CNTN5: variants seen among roughly 807,000 people sequenced by gnomAD.
The protein encoded by CNTN5 is contactin 5.
Under a neutral mutation model 129.1 loss-of-function variants are expected in CNTN5, and 77 were observed. That is an observed-to-expected ratio of 0.60 (90% CI 0.50 to 0.72). The LOEUF is 0.72. Ranked by LOEUF, CNTN5 falls within the 30% of genes least tolerant of loss-of-function variation. The pLI, the probability that CNTN5 is intolerant of heterozygous loss-of-function variation, is 0.00. For synonymous variants in CNTN5, 509 were observed against 465.6 expected (o/e 1.09, Z -1.20); for missense variants, 1,478 against 1,328.8 (o/e 1.11, Z -1.75).
intron 1 of CNTN5, among the ~76,000 whole-genome samples, chr11:99,235,161 A>G (rs1342440471): frequency 1.3e-5 from 2 of 152,066 alleles, no homozygotes; most frequent in Admixed American, 6.6e-5. Flanking sequence ...TCATTCAATC[A>G]ATCTTGTATG....
intron 3 of CNTN5, among the ~76,000 whole-genome samples, chr11:99,809,446 A>G (rs949811613): frequency 6.6e-6 from 1 of 152,164 alleles, no homozygotes; most frequent in Non-Finnish European, 1.5e-5. Flanking sequence ...GGGATATATA[A>G]TAATCATTTC....
In CNTN5 at chr11:99,625,801, A is replaced by G. The variant is rs1565361966; in HGVS notation, c.55+69532A>G. Among the ~76,000 whole-genome samples, 6 of 151,996 alleles carry G rather than the reference A, an allele frequency of 3.9e-5. No homozygotes were observed. In the South Asian group the frequency reaches 1.2e-3, roughly 32 times the overall value. On this transcript the variant is annotated intron_variant, in intron 3 of 24. Coordinates refer to ENST00000524871, the MANE Select transcript of CNTN5 (RefSeq NM_014361.4). Reference sequence around the variant, plus strand: ...GATATTGATTGAGAGAGTTTCATGAAAGATACTTTTTAGATATTTCACGAT... The same window carrying G: ...GATATTGATTGAGAGAGTTTCATGAGAGATACTTTTTAGATATTTCACGAT...
At chr11:99,233,776 C>A (rs955198342) in intron 1 of CNTN5, among the ~76,000 whole-genome samples, 1 of 152,016 alleles carries the variant, frequency 6.6e-6, no homozygotes, top group Non-Finnish European at 1.5e-5. Flanking sequence ...TGAAACCCAT[C>A]TCTACTAAAA....
At chr11:99,283,082 T>C (rs1863770922) in intron 1 of CNTN5, among the ~76,000 whole-genome samples, 1 of 152,112 alleles carries the variant, frequency 6.6e-6, no homozygotes, top group African/African-American at 2.4e-5. Flanking sequence ...AAGAAGAGCA[T>C]GTTGGAAATA....
chr11:100,283,050 G>C (rs930333870), intron 18 of CNTN5, among the ~76,000 whole-genome samples: 1 of 151,878 alleles, frequency 6.6e-6, no homozygotes, highest in Admixed American at 6.6e-5. Context: ...TGGGATCAGG[G>C]ACCCCAAGAG....
At chr11:99,346,190 A>G (rs1363199629) in intron 2 of CNTN5, among the ~76,000 whole-genome samples, 1 of 152,228 alleles carries the variant, frequency 6.6e-6, no homozygotes, top group Non-Finnish European at 1.5e-5. Flanking sequence ...CTTCCAATAT[A>G]AAGTATATAG....
chr11:99,773,882 T>C (rs1479431828), intron 3 of CNTN5, among the ~76,000 whole-genome samples: 1 of 152,116 alleles, frequency 6.6e-6, no homozygotes, highest in Non-Finnish European at 1.5e-5. Flanking sequence ...CTCTTGTTTA[T>C]ATTACAAAAA....
chr11:99,898,042 T>C (rs1331674365), intron 6 of CNTN5, among the ~76,000 whole-genome samples: 1 of 151,998 alleles, frequency 6.6e-6, no homozygotes, highest in Non-Finnish European at 1.5e-5. Flanking sequence ...AATAGCAACA[T>C]AACATACAAA....
At chr11:99,100,228 C>T (rs1866657132) in intron 1 of CNTN5, among the ~76,000 whole-genome samples, 1 of 152,014 alleles carries the variant, frequency 6.6e-6, no homozygotes, top group African/African-American at 2.4e-5. Context: ...TTCTCTCTCT[C>T]TCTTTCTTTC....
At chr11:99,795,112 GTTCATTCTTC>G (rs539938066) in intron 3 of CNTN5, among the ~76,000 whole-genome samples, 125 of 152,236 alleles carry the variant, frequency 8.2e-4, no homozygotes, top group Middle Eastern at 6.8e-3. Context: ...TGGAGGTATT[GTTCATTCTTC>G]TTCATTCTTT....
chr11:99,494,735 C>T (rs1329550589), intron 2 of CNTN5, among the ~76,000 whole-genome samples: 1 of 152,132 alleles, frequency 6.6e-6, no homozygotes, highest in East Asian at 1.9e-4. Context: ...AGCTGACGGG[C>T]ATGCCCTCAT....
chr11:99,035,879 A>C (rs1367571187), intron 1 of CNTN5, among the ~76,000 whole-genome samples: 1 of 146,178 alleles, frequency 6.8e-6, no homozygotes, highest in Admixed American at 6.9e-5. Context: ...TGGTCTTTAC[A>C]TTTTGGCATG....
At chr11:99,433,162 A>G (rs562595787) in intron 2 of CNTN5, among the ~76,000 whole-genome samples, 1 of 152,088 alleles carries the variant, frequency 6.6e-6, no homozygotes, top group South Asian at 2.1e-4. Flanking sequence ...AGTGCTCTGA[A>G]TTGTGCTGTA....
intron 1 of CNTN5, among the ~76,000 whole-genome samples, chr11:99,213,283 TAA>T (rs1491415587): frequency 6.9e-6 from 1 of 145,742 alleles, no homozygotes; most frequent in African/African-American, 2.5e-5. Flanking sequence ...TATATACATA[TAA>T]TATATATAAC....
At chr11:100,063,717 A>T (rs900969193) in intron 10 of CNTN5, among the ~76,000 whole-genome samples, 22 of 151,500 alleles carry the variant, frequency 1.5e-4, no homozygotes, top group African/African-American at 5.3e-4. Flanking sequence ...AAAAAAAAAA[A>T]AAAAAAAAAA....
intron 15 of CNTN5, among the ~76,000 whole-genome samples, chr11:100,224,204 C>T (rs891169357): frequency 5.9e-5 from 9 of 152,144 alleles, no homozygotes; most frequent in African/African-American, 2.2e-4. Flanking sequence ...ACTCTTTCAA[C>T]TGAGCACTGT....
chr11:100,060,828 A>G (rs917770255), intron 9 of CNTN5, among the ~76,000 whole-genome samples: 1 of 151,556 alleles, frequency 6.6e-6, no homozygotes, highest in Admixed American at 6.6e-5. Context: ...TTTAGTAGAG[A>G]TGGGGTTTCA....
At chr11:99,178,606 T>C (rs984713111) in intron 1 of CNTN5, among the ~76,000 whole-genome samples, 1 of 152,130 alleles carries the variant, frequency 6.6e-6, no homozygotes, top group African/African-American at 2.4e-5. Context: ...CTATAATTAA[T>C]TGGAAAAATG....
chr11:99,249,058 G>A (rs901097503), intron 1 of CNTN5, among the ~76,000 whole-genome samples: 1 of 152,100 alleles, frequency 6.6e-6, no homozygotes, highest in Non-Finnish European at 1.5e-5. Context: ...ACCTTGGGCA[G>A]TATGGCCATT....
Sources: gnomAD v4.1 joint callset for allele counts (sites outside exome capture counted in the v4.1 genomes callset) on GRCh38, gnomAD v4.1.1 for gene constraint, MANE v1.5 for transcripts, NCBI Gene and HGNC (gene_info 2026-07-23, HGNC 2026-07-21) for gene names.